Variants in NT5C2 observed in about 807,000 individuals in gnomAD.
The protein encoded by NT5C2 is cytosolic purine 5'-nucleotidase.
A neutral mutation model predicts 76.1 loss-of-function variants in NT5C2; 58 were observed. The observed-to-expected ratio is 0.76, with a 90% CI of 0.62 to 0.95. NT5C2 has a LOEUF of 0.95. Among genes scored for constraint, NT5C2 ranks in the 40% least tolerant of loss-of-function variants. The pLI is 0.00. For missense variants in NT5C2, 478 were observed against 690.3 expected, an observed-to-expected ratio of 0.69 and a Z score of 3.45; for synonymous variants, 229 against 237.4, an observed-to-expected ratio of 0.96 and a Z score of 0.32.
chr10:103,149,097 C>A (rs2133599828), intron 3 of NT5C2, among the ~76,000 whole-genome samples: 1 of 152,232 alleles, frequency 6.6e-6, no homozygotes. Context: ...ACAAGTCAGT[C>A]ATGTAGGTTG....
chr10:103,157,656 T>C (rs1055586970), intron 3 of NT5C2, among the ~76,000 whole-genome samples: 2 of 152,058 alleles, frequency 1.3e-5, no homozygotes, highest in Non-Finnish European at 2.9e-5. Flanking sequence ...GTCAAAAGCA[T>C]AGAGATTATT....
At chr10:103,142,984 AT>A in intron 3 of NT5C2, among the ~76,000 whole-genome samples, 1 of 147,180 alleles carries the variant, frequency 6.8e-6, no homozygotes, top group African/African-American at 2.5e-5. Flanking sequence ...GCAAGATTCC[AT>A]CAAAAAAAAA....
chr10:103,100,063 G>T, intron 8 of NT5C2, 44 bp from the exon 9 acceptor site: 1 of 1,334,386 alleles, frequency 7.5e-7, no homozygotes, highest in Non-Finnish European at 1.1e-6. Flanking sequence ...CCAAAACAGG[G>T]TAAACAAAAT....
At chr10:103,156,479 G>A (rs893520308) in intron 3 of NT5C2, among the ~76,000 whole-genome samples, 10 of 152,188 alleles carry the variant, frequency 6.6e-5, no homozygotes, top group African/African-American at 1.9e-4. Flanking sequence ...AAGGGGCCAC[G>A]TGCCGTGGCT....
Position 103,106,719 on chromosome 10 carries a change from G to C in NT5C2, c.176-13C>G. ...GGGGACTTGTACACTGCACAAAGAG[G>C]AGGTTTTCATTAGTTAGCAGAAAGA... On this transcript the variant is annotated splice_polypyrimidine_tract_variant and intron_variant, in intron 4 of 18. Coordinates refer to ENST00000404739, the MANE Select transcript of NT5C2 (RefSeq NM_001351169.2). 1 of 1,482,632 alleles carries C rather than the reference G, an allele frequency of 6.7e-7. No individual in the cohort carries two copies. Among genetic ancestry groups the C allele is most frequent in the Non-Finnish European group, 9.4e-7 (1 of 1,063,504 alleles). 91.8% of individuals were successfully genotyped at this position (1,482,632 alleles called of 1,614,324 possible). A position where few individuals can be genotyped will look rare whatever the true frequency, so the allele number is the denominator to read the frequency against.
intron 4 of NT5C2, among the ~76,000 whole-genome samples, chr10:103,127,077 T>G (rs1452389174): frequency 6.6e-6 from 1 of 151,950 alleles, no homozygotes; most frequent in Non-Finnish European, 1.5e-5. Context: ...GTGGGGAGAG[T>G]TGAGGTTTTC....
intron 3 of NT5C2, among the ~76,000 whole-genome samples, chr10:103,160,532 A>T (rs1318720667): frequency 6.6e-6 from 1 of 152,210 alleles, no homozygotes; most frequent in Admixed American, 6.5e-5. Flanking sequence ...AGAATATATA[A>T]AGAACTTTTA....
chr10:103,100,085 A>G, intron 8 of NT5C2, 66 bp from the exon 9 acceptor site: 1 of 1,076,758 alleles, frequency 9.3e-7, no homozygotes, highest in Non-Finnish European at 1.4e-6. Context: ...TATATCAAAA[A>G]TTTCCCAGGG....
chr10:103,106,700 T>C lies in NT5C2; in HGVS notation c.182A>G (p.Lys61Arg). The C allele has an allele frequency of 6.3e-7, 1 of 1,584,492 alleles. No homozygotes were observed. Among genetic ancestry groups the C allele is most frequent in the Non-Finnish European group, 8.7e-7 (1 of 1,153,290 alleles). Reference sequence around the variant, plus strand: ...ACCAAGGGACTCATACTCTGGGGACTTGTACACTGCACAAAGAGGAGGTTT... The same window carrying C: ...ACCAAGGGACTCATACTCTGGGGACCTGTACACTGCACAAAGAGGAGGTTT... ...FDMDYTLAVY[K>R]SPEYESLGFE... Residue 61 changes from lysine to arginine, a missense_variant, in exon 5 of 19, where the codon AAG (lysine) becomes AGG (arginine). Lys to Arg is a conservative substitution (Grantham distance 26). Transcript: ENST00000404739.
chr10:103,121,481 A>G (rs936919960), intron 4 of NT5C2, among the ~76,000 whole-genome samples: 4 of 152,296 alleles, frequency 2.6e-5, no homozygotes, highest in Admixed American at 2.6e-4. Context: ...TAGTCCAAGT[A>G]AACACACCAT....
chr10:103,163,366 CAG>C (rs1231245633), intron 3 of NT5C2, among the ~76,000 whole-genome samples: 1 of 152,072 alleles, frequency 6.6e-6, no homozygotes, highest in Non-Finnish European at 1.5e-5. Context: ...ACTGTTTTTC[CAG>C]AGGAGCTGCA....
At chr10:103,183,239 GAT>G (rs199652627) in intron 1 of NT5C2, among the ~76,000 whole-genome samples, 4,940 of 104,866 alleles carry the variant, frequency 0.047, 110 homozygotes, top group Non-Finnish European at 0.058. Flanking sequence ...CATGAAAGGA[GAT>G]ATATATATAT....
At chr10:103,121,493 C>T (rs2075657791) in intron 4 of NT5C2, among the ~76,000 whole-genome samples, 1 of 152,048 alleles carries the variant, frequency 6.6e-6, no homozygotes, top group Admixed American at 6.5e-5. Flanking sequence ...ACACACCATC[C>T]AAAAAATGTT....
In NT5C2 at chr10:103,115,442, G is replaced by A. The variant is rs114253167; in HGVS notation, c.176-8736C>T. On this transcript the variant is annotated intron_variant, in intron 4 of 18. Coordinates refer to ENST00000404739, the MANE Select transcript of NT5C2 (RefSeq NM_001351169.2). ...AGAAAATAGCCTGGATGCTGGGAGCGAAAAATTCATCTTAATAACTTCACT... is the reference window on the plus strand; with the variant it reads ...AGAAAATAGCCTGGATGCTGGGAGCAAAAAATTCATCTTAATAACTTCACT... Among the ~76,000 whole-genome samples the A allele has an allele frequency of 4.1e-3, 617 of 152,084 alleles. 3 individuals carry two copies. The highest frequency in any genetic ancestry group is 0.014 in the African/African-American group (571 of 41,484).
chr10:103,097,213 A>G (rs769432333), intron 11 of NT5C2, 78 bp downstream of exon 11: 24 of 1,094,146 alleles, frequency 2.2e-5, no homozygotes, highest in Middle Eastern at 4.6e-4. Context: ...ATAAACTTCT[A>G]TCTTCCTCAT....
Position 103,128,134 on chromosome 10 carries a change from T to C in NT5C2, c.175+11272A>G, listed in dbSNP as rs796396686. Among the ~76,000 whole-genome samples the C allele has an allele frequency of 1.2e-3, 170 of 147,614 alleles. 4 individuals are homozygous for C. The South Asian group carries it at 0.038, about 33-fold the overall frequency. ...TCTCCCTCTCATGCGGAGCCGAAGC[T>C]GGACTGTACTGCTGCCATCTCGGCT... On this transcript the variant is annotated intron_variant, in intron 4 of 18. Transcript: ENST00000404739.
chr10:103,124,090 C>T (rs1465109831), intron 4 of NT5C2, among the ~76,000 whole-genome samples: 1 of 152,144 alleles, frequency 6.6e-6, no homozygotes, highest in Non-Finnish European at 1.5e-5. Flanking sequence ...ATGAAATTTA[C>T]CACATTTACT....
chr10:103,130,090 A>G (rs1591245022), intron 4 of NT5C2, among the ~76,000 whole-genome samples: 1 of 151,964 alleles, frequency 6.6e-6, no homozygotes, highest in Middle Eastern at 3.4e-3. Flanking sequence ...CAGGATGACA[A>G]TGGCGGCTTT....
At chr10:103,145,973 G>C (rs956612945) in intron 3 of NT5C2, 1 of 787,038 alleles carries the variant, frequency 1.3e-6, no homozygotes, top group African/African-American at 1.9e-5. Context: ...TATTAAATTT[G>C]AAATTTTGTA....
Sources: gnomAD v4.1 joint callset for allele counts (sites outside exome capture counted in the v4.1 genomes callset) on GRCh38, gnomAD v4.1.1 for gene constraint, MANE v1.5 for transcripts, NCBI Gene and HGNC (gene_info 2026-07-23, HGNC 2026-07-21) for gene names.